CCDC88A: variants seen among roughly 807,000 people sequenced by gnomAD.
The protein encoded by CCDC88A is girdin.
A neutral mutation model predicts 234.3 loss-of-function variants in CCDC88A; 54 were observed. That is an observed-to-expected ratio of 0.23 (90% CI 0.19 to 0.29). The LOEUF (loss-of-function observed/expected upper bound fraction) is 0.29, where lower values mean the gene tolerates loss of function less well. CCDC88A is among the 10% of genes least tolerant of loss of function. The probability of loss-of-function intolerance (pLI) is 1.00; values close to 1 mark genes in which losing one functional copy is unlikely to be tolerated. For synonymous variants in CCDC88A, 753 were observed against 737.8 expected (o/e 1.02, Z -0.33); for missense variants, 1,832 against 2,123.4 (o/e 0.86, Z 2.70).
In CCDC88A at chr2:55,332,112, A is replaced by G. The variant is rs13416519; in HGVS notation, c.2855+454T>C. On this transcript the variant is annotated intron_variant, in intron 16 of 32. Transcript: ENST00000436346. This position sits in a 1 kb window ranked among gnomAD's most constrained non-coding sequence, Gnocchi z 4.5. Reference sequence around the variant, plus strand: ...TCTATGATTCCTCTTTTCTCCTTACAGAACTTTCTTTTTTTTTCTTTTTGA... The same window carrying G: ...TCTATGATTCCTCTTTTCTCCTTACGGAACTTTCTTTTTTTTTCTTTTTGA... The G allele has an allele frequency of 0.071, 10,826 of 153,226 alleles. 1,219 individuals carry two copies. Among genetic ancestry groups the G allele is most frequent in the African/African-American group, 0.24 (9,827 of 41,386 alleles). The allele number at this position is 153,226 out of a possible 1,614,324, so 9.5% of individuals were successfully genotyped here. A position where few individuals can be genotyped will look rare whatever the true frequency, so the allele number is the denominator to read the frequency against.
intron 8 of CCDC88A, chr2:55,349,811 A>G (rs1558719475): frequency 2.2e-6 from 1 of 451,726 alleles, no homozygotes; most frequent in Non-Finnish European, 3.8e-6. Flanking sequence ...TGTTTTCCAA[A>G]GGCTAATGTT....
chr2:55,413,997 C>CA (rs1680942354), intron 2 of CCDC88A, among the ~76,000 whole-genome samples: 2 of 150,882 alleles, frequency 1.3e-5, no homozygotes, highest in African/African-American at 4.9e-5. Context: ...AACAAACAAA[C>CA]AAAAAAGGGC....
chr2:55,388,439 GTT>G (rs368526327), intron 3 of CCDC88A: 1 of 60,176 alleles, frequency 1.7e-5, no homozygotes, highest in Non-Finnish European at 4.6e-5. Context: ...TCCAATTCAG[GTT>G]TTTTTTTTAA....
At chr2:55,294,923 A>T (rs1391197070) in intron 31 of CCDC88A, 2 of 1,163,314 alleles carry the variant, frequency 1.7e-6, no homozygotes, top group Middle Eastern at 3.9e-4. Context: ...GCCATCATGT[A>T]CAGCTGAACA....
chr2:55,385,238 A>G (rs1675393882), intron 3 of CCDC88A, among the ~76,000 whole-genome samples: 1 of 152,214 alleles, frequency 6.6e-6, no homozygotes, highest in African/African-American at 2.4e-5. Context: ...GAAATCTAAA[A>G]CGGAAAAATT....
intron 8 of CCDC88A, among the ~76,000 whole-genome samples, chr2:55,353,649 C>CAAAAAAAAA (rs34022778): frequency 2.6e-5 from 2 of 77,080 alleles, no homozygotes; most frequent in Non-Finnish European, 5.3e-5. Flanking sequence ...GAAACCAAAC[C>CAAAAAAAAA]AAAAAAAAAA....
intron 10 of CCDC88A, among the ~76,000 whole-genome samples, chr2:55,344,877 T>A (rs1258010050): frequency 6.6e-6 from 1 of 152,198 alleles, no homozygotes; most frequent in Non-Finnish European, 1.5e-5. Context: ...GATTTAAATA[T>A]TTCTCTGTAC....
chr2:55,394,946 A>T (rs1677285606), intron 2 of CCDC88A, among the ~76,000 whole-genome samples: 1 of 152,012 alleles, frequency 6.6e-6, no homozygotes, highest in African/African-American at 2.4e-5. Flanking sequence ...TCTGGGTTCA[A>T]GTGATTCTCC....
chr2:55,416,332 T>C (rs1235890334), intron 2 of CCDC88A, among the ~76,000 whole-genome samples: 1 of 146,866 alleles, frequency 6.8e-6, no homozygotes, highest in Non-Finnish European at 1.5e-5. Flanking sequence ...CAAAGAAGAC[T>C]GAAAGAAAAT....
Position 55,328,038 on chromosome 2 carries a change from C to G in CCDC88A, c.2997+256G>C, listed in dbSNP as rs1219043866. ...CCCAATAAAATAAGCCTGCCTCTTC[C>G]TCATTCCACCCACACACTTCTGATA... On this transcript the variant is annotated intron_variant, in intron 17 of 32. Coordinates refer to ENST00000436346, the MANE Select transcript of CCDC88A (RefSeq NM_001365480.1). The surrounding 1 kb of genome is among the most constrained non-coding windows in gnomAD (Gnocchi z 4.3). Among the ~76,000 whole-genome samples the G allele has an allele frequency of 6.6e-6, 1 of 152,154 alleles. No individual in the cohort carries two copies. Among genetic ancestry groups the G allele is most frequent in the Non-Finnish European group, 1.5e-5 (1 of 68,018 alleles).
rs528085278 is a variant in CCDC88A at position 55,383,479 on chromosome 2, C to T, written c.273+5299G>A. On this transcript the variant is annotated intron_variant, in intron 3 of 32. Transcript: ENST00000436346. ...ATTAAAAATACAAAAAAAAATTAGCCAGGTGTGGTGGCAGGTGCCTGTAAT... is the reference window on the plus strand; with the variant it reads ...ATTAAAAATACAAAAAAAAATTAGCTAGGTGTGGTGGCAGGTGCCTGTAAT... 5.9e-5 allele frequency among the ~76,000 whole-genome samples: 9 copies of T among 151,850 alleles called. No homozygotes were observed. In the South Asian group the frequency reaches 1.9e-3, roughly 32 times the overall value.
intron 3 of CCDC88A, among the ~76,000 whole-genome samples, chr2:55,378,769 G>A (rs376943404): frequency 4.8e-5 from 7 of 147,302 alleles, no homozygotes; most frequent in African/African-American, 7.7e-5. Context: ...TTTTTGAGAC[G>A]GAGTCTCGCT....
At chr2:55,323,589 G>A (rs1683903161) in intron 17 of CCDC88A, 1 of 152,088 alleles carries the variant, frequency 6.6e-6, no homozygotes, top group South Asian at 2.1e-4. Context: ...ATAGATGAGT[G>A]GCATCATTTC....
chr2:55,415,048 G>A (rs1304791783), intron 2 of CCDC88A, among the ~76,000 whole-genome samples: 2 of 146,914 alleles, frequency 1.4e-5, no homozygotes, highest in African/African-American at 5.0e-5. Context: ...GCCTGGGCAT[G>A]GAGCGAGACT....
intron 17 of CCDC88A, chr2:55,323,727 T>G (rs573113187): frequency 1.8e-4 from 28 of 152,324 alleles, no homozygotes; most frequent in Admixed American, 9.2e-4. Context: ...TATATATTTT[T>G]TTGAGACATA....
chr2:55,402,282 C>A (rs1427663189), intron 2 of CCDC88A, among the ~76,000 whole-genome samples: 1 of 152,136 alleles, frequency 6.6e-6, no homozygotes, highest in Non-Finnish European at 1.5e-5. Flanking sequence ...TCTTTCACTT[C>A]TTTGCAAATC....
At chr2:55,392,374 A>T (rs927112472) in intron 2 of CCDC88A, among the ~76,000 whole-genome samples, 4 of 152,210 alleles carry the variant, frequency 2.6e-5, no homozygotes, top group Non-Finnish European at 5.9e-5. Context: ...AACAAAACCT[A>T]TTAAGATTTT....
intron 16 of CCDC88A, chr2:55,329,104 A>C (rs1261207274): frequency 1.3e-5 from 2 of 152,180 alleles, no homozygotes; most frequent in Admixed American, 1.3e-4. Flanking sequence ...CAGAGTAGTT[A>C]CAGTAAAAAA....
rs11678347 is a variant in CCDC88A at position 55,378,049 on chromosome 2, C to A, written c.274-3166G>T. Among the ~76,000 whole-genome samples the A allele has an allele frequency of 3.3e-5, 5 of 152,120 alleles. No homozygotes were observed. In the South Asian group the frequency reaches 8.3e-4, roughly 25 times the overall value. On this transcript the variant is annotated intron_variant, in intron 3 of 32. Transcript: ENST00000436346. The stretch of plus-strand genomic sequence containing the variant: ...AACCGGAAACAACAACTTACATTCC[C>A]AAGGCAACTAGTTTTACTGACTTAC...
Sources: allele counts gnomAD v4.1 joint callset (sites outside exome capture counted in the v4.1 genomes callset), GRCh38; gene constraint gnomAD v4.1.1; non-coding constraint Gnocchi (gnomAD v3.1); transcripts MANE v1.5; gene names NCBI Gene and HGNC (gene_info 2026-07-23, HGNC 2026-07-21).